CD83: variants seen among roughly 807,000 people sequenced by gnomAD.
CD83 encodes CD83 antigen.
In CD83, 22 loss-of-function variants were observed where a neutral mutation model predicts 24.6. The ratio of observed to expected loss-of-function variants is 0.90; its 90% confidence interval spans 0.64 to 1.28. The LOEUF (loss-of-function observed/expected upper bound fraction) is 1.28, where lower values mean the gene tolerates loss of function less well. Ranked by LOEUF, CD83 falls within the 50% of genes most tolerant of loss-of-function variation. The probability of loss-of-function intolerance (pLI) is 0.00; values close to 1 mark genes in which losing one functional copy is unlikely to be tolerated. For synonymous variants in CD83, 101 were observed against 103.5 expected, an observed-to-expected ratio of 0.98 and a Z score of 0.14; for missense variants, 253 against 252.8, an observed-to-expected ratio of 1.00 and a Z score of -0.01.
chr6:14,130,366 G>A (rs1757855818), intron 2 of CD83, among the ~76,000 whole-genome samples: 1 of 152,236 alleles, frequency 6.6e-6, no homozygotes, highest in South Asian at 2.1e-4. Context: ...TGGTGAATGT[G>A]GTATGAGCCT....
intron 2 of CD83, among the ~76,000 whole-genome samples, chr6:14,122,264 A>AATGG (rs1402646721): frequency 6.6e-6 from 1 of 152,198 alleles, no homozygotes; most frequent in Non-Finnish European, 1.5e-5. Context: ...AGAGCAGGTT[A>AATGG]ATGGCTTGCG....
At position 14,129,077 on chromosome 6, in the gene CD83, G is replaced by A. The variant is rs1401388283; in HGVS notation, c.154-2443G>A. Among the ~76,000 whole-genome samples, 4 of 152,216 alleles carry A rather than the reference G, an allele frequency of 2.6e-5. No homozygotes were observed. The South Asian group carries it at 8.3e-4, about 32-fold the overall frequency. On this transcript the variant is annotated intron_variant, in intron 2 of 4. Transcript: ENST00000379153. The surrounding 1 kb of genome is among the most constrained non-coding windows in gnomAD (Gnocchi z 4.3). The stretch of plus-strand genomic sequence containing the variant: ...TCAGATGGGCCTTTCTGAGCTGAGG[G>A]AGGGGTTGCTGGATGGGAGAGGAGC...
intron 2 of CD83, among the ~76,000 whole-genome samples, chr6:14,119,409 G>C (rs2113384730): frequency 6.6e-6 from 1 of 152,266 alleles, no homozygotes; most frequent in African/African-American, 2.4e-5. Flanking sequence ...AACAATTTTT[G>C]AATGCTCACC....
rs781479969 is a variant in CD83, at chr6:14,117,868, G to C, written c.37+20G>C. The C allele has an allele frequency of 5.7e-6, 9 of 1,575,854 alleles. No individual in the cohort carries two copies. The Admixed American group carries it at 1.4e-4, about 25-fold the overall frequency. ...GCTGCGGTAGGGCTCGCGAGCGCCTGTCTCGCCTGTCGCCCCCCGCCCCTC... is the reference window on the plus strand; with the variant it reads ...GCTGCGGTAGGGCTCGCGAGCGCCTCTCTCGCCTGTCGCCCCCCGCCCCTC... On this transcript the variant is annotated intron_variant, in intron 1 of 4. Coordinates refer to ENST00000379153, the MANE Select transcript of CD83 (RefSeq NM_004233.4). The surrounding 1 kb of genome is among the most constrained non-coding windows in gnomAD (Gnocchi z 4.6).
At chr6:14,121,269 G>C (rs538232851) in intron 2 of CD83, among the ~76,000 whole-genome samples, 1 of 151,826 alleles carries the variant, frequency 6.6e-6, no homozygotes, top group Admixed American at 6.6e-5. Context: ...TCCTGGGCTC[G>C]AGTAATCCTC....
At chr6:14,126,508 A>G (rs1053923848) in intron 2 of CD83, among the ~76,000 whole-genome samples, 9 of 152,182 alleles carry the variant, frequency 5.9e-5, no homozygotes, top group Non-Finnish European at 1.3e-4. Flanking sequence ...GCTCAGTCCA[A>G]TGCCAATGCC....
At position 14,122,653 on chromosome 6, in the gene CD83, G is replaced by A. The variant is rs573786246; in HGVS notation, c.153+4588G>A. Among the ~76,000 whole-genome samples the A allele has an allele frequency of 2.5e-4, 38 of 152,006 alleles. No individual in the cohort carries two copies. The South Asian group carries it at 5.4e-3, about 22-fold the overall frequency. ...ATGTTAGAATTAAAAAAAAAAAATC[G>A]TACTGTCCCCATTGGCACCTATAGT... On this transcript the variant is annotated intron_variant, in intron 2 of 4. Coordinates refer to ENST00000379153, the MANE Select transcript of CD83 (RefSeq NM_004233.4).
chr6:14,135,580 T>C lies in CD83; in HGVS notation c.*344T>C, dbSNP rs559405851. On this transcript the variant is annotated 3_prime_UTR_variant, in exon 5 of 5. Coordinates refer to ENST00000379153, the MANE Select transcript of CD83 (RefSeq NM_004233.4). ...CTTGGGAAATATGAATGCCCCCAGC[T>C]GGCCCGTGACAGACTCCTGAGGACA... 1.0e-4 allele frequency: 22 copies of C among 211,322 alleles called. 1 individual carries two copies. The highest frequency in any genetic ancestry group is 2.0e-4 in the Non-Finnish European group (21 of 104,706). 13.1% of individuals were successfully genotyped at this position (211,322 alleles called of 1,614,324 possible). A position where few individuals can be genotyped will look rare whatever the true frequency, so the allele number is the denominator to read the frequency against.
intron 2 of CD83, among the ~76,000 whole-genome samples, chr6:14,127,622 C>T (rs1759850829): frequency 6.6e-6 from 1 of 151,100 alleles, no homozygotes; most frequent in Admixed American, 6.6e-5. Context: ...TAGCATTCTG[C>T]AAATGAAAGA....
chr6:14,123,585 G>C (rs1457267897), intron 2 of CD83, among the ~76,000 whole-genome samples: 2 of 151,952 alleles, frequency 1.3e-5, no homozygotes, highest in Admixed American at 1.3e-4. Context: ...GGAGGAGTGG[G>C]CAAGGAAGAA....
intron 2 of CD83, among the ~76,000 whole-genome samples, chr6:14,130,956 G>A (rs1395049572): frequency 2.0e-5 from 3 of 152,184 alleles, no homozygotes; most frequent in African/African-American, 4.8e-5. Context: ...CACATTCGGC[G>A]ACGTCAGGCA....
intron 2 of CD83, among the ~76,000 whole-genome samples, chr6:14,125,457 C>A (rs1186377492): frequency 6.6e-6 from 1 of 152,176 alleles, no homozygotes; most frequent in African/African-American, 2.4e-5. Flanking sequence ...GTATATCCTT[C>A]CAGAAGCAAG....
intron 2 of CD83, among the ~76,000 whole-genome samples, chr6:14,130,280 A>T (rs1026835932): frequency 2.0e-5 from 3 of 152,216 alleles, no homozygotes. Flanking sequence ...TAGAAGCTTT[A>T]AAGTATTTCA....
intron 3 of CD83, among the ~76,000 whole-genome samples, chr6:14,132,772 G>A (rs1377094685): frequency 1.3e-5 from 2 of 152,170 alleles, no homozygotes; most frequent in African/African-American, 2.4e-5. Flanking sequence ...ATTTTCAGGG[G>A]TTGACATCTC....
At chr6:14,132,501 ACT>A (rs1474121967) in intron 3 of CD83, among the ~76,000 whole-genome samples, 1 of 152,040 alleles carries the variant, frequency 6.6e-6, no homozygotes, top group African/African-American at 2.4e-5. Context: ...TCAAATATTA[ACT>A]CTGCCTTTTG....
intron 4 of CD83, 89 bp from the exon 5 acceptor site, chr6:14,135,019 C>G: frequency 7.4e-7 from 1 of 1,353,532 alleles, no homozygotes; most frequent in South Asian, 1.3e-5. Flanking sequence ...GGTTGTCTAG[C>G]CAGCTCTTAG....
Position 14,135,440 on chromosome 6 carries a change from C to T in CD83, c.*204C>T. 1 of 522,564 alleles carries T rather than the reference C, an allele frequency of 1.9e-6. No homozygotes were observed. Among genetic ancestry groups the T allele is most frequent in the Admixed American group, 3.2e-5 (1 of 30,820 alleles). The allele number at this position is 522,564 out of a possible 1,614,324, so 32.4% of individuals were successfully genotyped here. A position where few individuals can be genotyped will look rare whatever the true frequency, so the allele number is the denominator to read the frequency against. ...CATCACATGACCACATAGCATGAGG[C>T]CACTGCTGCTTCTCCATGGCCACCT... On this transcript the variant is annotated 3_prime_UTR_variant, in exon 5 of 5. Coordinates refer to ENST00000379153, the MANE Select transcript of CD83 (RefSeq NM_004233.4).
chr6:14,121,800 A>G (rs1207258374), intron 2 of CD83, among the ~76,000 whole-genome samples: 1 of 152,130 alleles, frequency 6.6e-6, no homozygotes. Context: ...GCCATGCATT[A>G]AAGGGCTGCA....
intron 3 of CD83, among the ~76,000 whole-genome samples, 180 bp downstream of exon 3, chr6:14,131,928 C>T (rs906963081): frequency 6.6e-6 from 1 of 152,128 alleles, no homozygotes; most frequent in Non-Finnish European, 1.5e-5. Context: ...TTAAATGATG[C>T]CTTTTGTTTG....
Sources: allele counts gnomAD v4.1 joint callset (sites outside exome capture counted in the v4.1 genomes callset), GRCh38; gene constraint gnomAD v4.1.1; non-coding constraint Gnocchi (gnomAD v3.1); transcripts MANE v1.5; gene names NCBI Gene and HGNC (gene_info 2026-07-23, HGNC 2026-07-21).